Variants in TRHDE observed in about 807,000 individuals in gnomAD.
TRHDE encodes thyrotropin releasing hormone degrading enzyme.
In TRHDE, 72 loss-of-function variants were observed where a neutral mutation model predicts 125.7. The ratio of observed to expected loss-of-function variants is 0.57; its 90% CI spans 0.47 to 0.70. The LOEUF is 0.70. TRHDE is among the 30% of genes least tolerant of loss of function. The pLI is 0.00. For synonymous variants in TRHDE, 509 were observed against 509.1 expected, an observed-to-expected ratio of 1.00 and a Z score of 0.00; for missense variants, 1,110 against 1,327.1, an observed-to-expected ratio of 0.84 and a Z score of 2.54.
chr12:72,520,565 C>CAGATGGTACCTCAGA, intron 6 of TRHDE, among the ~76,000 whole-genome samples: 1 of 152,166 alleles, frequency 6.6e-6, no homozygotes, highest in Non-Finnish European at 1.5e-5. Flanking sequence ...GAGATGAACC[C>CAGATGGTACCTCAGA]GGTACCTCAG....
chr12:72,181,202 T>C (rs1877089407), intron 2 of TRHDE, among the ~76,000 whole-genome samples: 1 of 152,150 alleles, frequency 6.6e-6, no homozygotes, highest in Non-Finnish European at 1.5e-5. Flanking sequence ...TGTAAATAAA[T>C]TTCAGTAGTA....
At chr12:72,337,554 C>T (rs567412552) in intron 2 of TRHDE, among the ~76,000 whole-genome samples, 12 of 152,132 alleles carry the variant, frequency 7.9e-5, no homozygotes, top group African/African-American at 2.9e-4. Context: ...TGATCAGGTT[C>T]CCTCCTTGAA....
In TRHDE at chr12:72,605,893, CTG is replaced by C. The variant is rs924917327; in HGVS notation, c.2322-12996_2322-12995del. On this transcript the variant is annotated intron_variant, in intron 12 of 18. Coordinates refer to ENST00000261180, the MANE Select transcript of TRHDE (RefSeq NM_013381.3). ...AATTCAATGTAAGAAATATGGATGA[CTG>C]TTTATTATTGTTACTAAATGAAAAA... is the stretch of plus-strand genomic sequence containing the variant. Among the ~76,000 whole-genome samples the C allele has an allele frequency of 6.9e-4, 102 of 147,626 alleles. 1 individual carries two copies. The highest frequency in any genetic ancestry group is 2.5e-3 in the African/African-American group (98 of 38,576).
At chr12:72,446,746 G>C (rs1250756549) in intron 3 of TRHDE, among the ~76,000 whole-genome samples, 1 of 151,922 alleles carries the variant, frequency 6.6e-6, no homozygotes, top group Non-Finnish European at 1.5e-5. Context: ...TTAAACCAAC[G>C]AAGATCAAAA....
In TRHDE at chr12:72,573,272, G is replaced by A. The variant is rs182490632; in HGVS notation, c.2132-1983G>A. On this transcript the variant is annotated intron_variant, in intron 10 of 18. Coordinates refer to ENST00000261180, the MANE Select transcript of TRHDE (RefSeq NM_013381.3). ...TAATTTTAAAGAATGGTATTTTCTC[G>A]TTTATTTATGTAGTCATTTTTACAT... 1.4e-4 allele frequency among the ~76,000 whole-genome samples: 21 copies of A among 151,776 alleles called. 1 individual carries two copies. Among genetic ancestry groups the A allele is most frequent in the East Asian group, 1.2e-3 (6 of 5,176 alleles).
chr12:72,530,747 G>T (rs1868511399), intron 6 of TRHDE, among the ~76,000 whole-genome samples: 1 of 151,274 alleles, frequency 6.6e-6, no homozygotes, highest in African/African-American at 2.4e-5. Context: ...ATTTATTAAA[G>T]AAATCTTTCC....
intron 2 of TRHDE, among the ~76,000 whole-genome samples, chr12:72,120,209 C>T (rs1875545227): frequency 2.0e-5 from 3 of 151,916 alleles, no homozygotes; most frequent in South Asian, 4.2e-4. Flanking sequence ...CGCCATCACG[C>T]CTGGTTAATT....
intron 14 of TRHDE, 192 bp from the exon 15 acceptor site, chr12:72,621,452 A>G: frequency 1.7e-6 from 1 of 591,060 alleles, no homozygotes; most frequent in Non-Finnish European, 3.0e-6. Context: ...ATCAGAACCC[A>G]TGCCTCTCAC....
At chr12:72,330,366 C>A (rs183984800) in intron 2 of TRHDE, among the ~76,000 whole-genome samples, 4 of 151,228 alleles carry the variant, frequency 2.6e-5, no homozygotes, top group African/African-American at 7.3e-5. Flanking sequence ...CTCAAAAAAG[C>A]CAAAGCAATT....
At position 72,457,907 on chromosome 12, in the gene TRHDE, TC is replaced by T. The variant is rs199656454; in HGVS notation, c.1316-11848del. ...TTTATAAATAGTATTGTTTTCATAC[TC>T]CCTTCTACTGGAAATGTGAATCTGT... On this transcript the variant is annotated intron_variant, in intron 3 of 18. Transcript: ENST00000261180. Among the ~76,000 whole-genome samples the T allele has an allele frequency of 6.0e-3, 915 of 152,318 alleles. 30 individuals are homozygous for T. The highest frequency in any genetic ancestry group is 1.7e-3 in the Non-Finnish European group (114 of 68,034).
At chr12:72,372,064 A>T (rs927804498) in intron 2 of TRHDE, among the ~76,000 whole-genome samples, 6 of 152,052 alleles carry the variant, frequency 3.9e-5, no homozygotes, top group African/African-American at 1.5e-4. Flanking sequence ...TTGTTTCCTG[A>T]CTTTTTAATG....
At chr12:72,292,005 G>T (rs1176295097) in intron 2 of TRHDE, among the ~76,000 whole-genome samples, 1 of 152,204 alleles carries the variant, frequency 6.6e-6, no homozygotes, top group South Asian at 2.1e-4. Flanking sequence ...GTTAAAAAAT[G>T]TTGGCTTTTT....
intron 2 of TRHDE, among the ~76,000 whole-genome samples, chr12:72,340,412 C>T (rs7970424): frequency 3.3e-5 from 5 of 152,154 alleles, no homozygotes; most frequent in East Asian, 1.9e-4. Context: ...TCCAGTATTA[C>T]CACATTGAGT....
At chr12:72,182,562 A>G (rs1310532929) in intron 2 of TRHDE, among the ~76,000 whole-genome samples, 2 of 152,184 alleles carry the variant, frequency 1.3e-5, no homozygotes, top group East Asian at 3.9e-4. Flanking sequence ...GAAAGAACAG[A>G]TATAATTTCA....
rs1875018878 is a variant in TRHDE at position 72,663,959 on chromosome 12, ATC to A, written c.*768_*769del. 1 of 152,140 alleles carries A rather than the reference ATC, an allele frequency of 6.6e-6. No homozygotes were observed. The highest frequency in any genetic ancestry group is 1.5e-5 in the Non-Finnish European group (1 of 67,998). The allele number at this position is 152,140 out of a possible 1,614,324, so 9.4% of individuals were successfully genotyped here. ...AATGTCTTCAGATCAAAGAAAATTT[ATC>A]TCTTTTTATAAACTTAAGGACAGTT... On this transcript the variant is annotated 3_prime_UTR_variant, in exon 19 of 19. Transcript: ENST00000261180.
chr12:72,488,709 T>C lies in TRHDE; in HGVS notation c.1585-10789T>C, dbSNP rs764647942. Among the ~76,000 whole-genome samples the C allele has an allele frequency of 4.5e-4, 69 of 151,996 alleles. 1 individual carries two copies. The highest frequency in any genetic ancestry group is 6.5e-4 in the Non-Finnish European group (44 of 67,882). Reference sequence around the variant, plus strand: ...AATAGCAGCTGAATATACATTCTTCTCTAGGACACATGGAACATTGTTCAG... The same window carrying C: ...AATAGCAGCTGAATATACATTCTTCCCTAGGACACATGGAACATTGTTCAG... On this transcript the variant is annotated intron_variant, in intron 5 of 18. Transcript: ENST00000261180.
At position 72,154,011 on chromosome 12, in the gene TRHDE, T is replaced by C. The variant is rs140770661; in HGVS notation, n.279+48259T>C. ...GACAGTGGGGTGTTAAAGTCTCCCA[T>C]TATTATTGTGTTGGAGTCTAAGTCT... On this transcript the variant is annotated intron_variant and non_coding_transcript_variant, in intron 2 of 4. Transcript: ENST00000548156. 6.0e-4 allele frequency among the ~76,000 whole-genome samples: 91 copies of C among 152,296 alleles called. 1 individual carries two copies. In the East Asian group the frequency reaches 0.016, roughly 27 times the overall value.
At chr12:72,239,237 T>TC (rs1216666180) in intron 2 of TRHDE, among the ~76,000 whole-genome samples, 3 of 151,958 alleles carry the variant, frequency 2.0e-5, no homozygotes, top group African/African-American at 4.8e-5. Context: ...TTTGATTTTT[T>TC]TTTTTTTCTT....
intron 2 of TRHDE, among the ~76,000 whole-genome samples, chr12:72,219,804 G>T (rs1369627997): frequency 6.6e-6 from 1 of 152,110 alleles, no homozygotes; most frequent in Admixed American, 6.6e-5. Context: ...TGTTGTACCT[G>T]ATGTTGGGAA....
Sources: allele counts gnomAD v4.1 joint callset (sites outside exome capture counted in the v4.1 genomes callset), GRCh38; gene constraint gnomAD v4.1.1; transcripts MANE v1.5; gene names NCBI Gene and HGNC (gene_info 2026-07-23, HGNC 2026-07-21).